CDS1: variants seen among roughly 807,000 people sequenced by gnomAD.
CDS1 encodes the protein CDP-diacylglycerol synthase 1, also known as phosphatidate cytidylyltransferase 1.
In CDS1, 41 loss-of-function variants were observed where a neutral mutation model predicts 62.1. That is an observed-to-expected ratio of 0.66 (90% confidence interval 0.51 to 0.86). CDS1 has a LOEUF of 0.86. CDS1 is among the 40% of genes least tolerant of loss of function. The pLI is 0.00. For synonymous variants in CDS1, 185 were observed against 192.6 expected, an observed-to-expected ratio of 0.96 and a Z score of 0.32; for missense variants, 470 against 550.1, an observed-to-expected ratio of 0.85 and a Z score of 1.46.
intron 1 of CDS1, among the ~76,000 whole-genome samples, chr4:84,593,611 T>C (rs991198967): frequency 6.6e-6 from 1 of 152,094 alleles, no homozygotes; most frequent in Non-Finnish European, 1.5e-5. Flanking sequence ...TTCAAGCGAT[T>C]CTCCTGCCTC....
At chr4:84,641,586 T>G (rs1412979244) in intron 10 of CDS1, among the ~76,000 whole-genome samples, 1 of 152,238 alleles carries the variant, frequency 6.6e-6, no homozygotes, top group Non-Finnish European at 1.5e-5. Flanking sequence ...TTCACCAGTT[T>G]ACCGAGTCCT....
intron 3 of CDS1, among the ~76,000 whole-genome samples, chr4:84,615,644 G>A (rs1002229752): frequency 6.6e-6 from 1 of 152,134 alleles, no homozygotes; most frequent in Non-Finnish European, 1.5e-5. Context: ...TTTCACATGG[G>A]TTGTAGTCGT....
intron 5 of CDS1, among the ~76,000 whole-genome samples, chr4:84,625,339 A>T (rs1723822820): frequency 6.6e-6 from 1 of 152,188 alleles, no homozygotes; most frequent in Non-Finnish European, 1.5e-5. Flanking sequence ...GAGGATATAA[A>T]GGGAGATGAA....
chr4:84,605,409 T>C (rs1723063359), intron 2 of CDS1, among the ~76,000 whole-genome samples: 2 of 152,178 alleles, frequency 1.3e-5, no homozygotes, highest in Admixed American at 1.3e-4. Context: ...ACCACTAGTT[T>C]AGTCGTATCT....
rs1298536725 is a variant in CDS1 at position 84,638,992 on chromosome 4, TGTGA to T, written c.879+3_879+6del. 1 of 1,518,196 alleles carries T rather than the reference TGTGA, an allele frequency of 6.6e-7. No individual in the cohort carries two copies. The highest frequency in any genetic ancestry group is 1.4e-5 in the African/African-American group (1 of 72,426). 94.0% of individuals were successfully genotyped at this position (1,518,196 alleles called of 1,614,324 possible). On this transcript the variant is annotated splice_donor_variant and splice_donor_region_variant and intron_variant, in intron 9 of 12. Coordinates refer to ENST00000295887, the MANE Select transcript of CDS1 (RefSeq NM_001263.4). LOFTEE classifies it high-confidence loss of function. ...TTTCCACAGTTGTGTTTGGATTCAT[TGTGA>T]GTATTACTAAGATTTTTATTTTGTA...
rs530301314 is a variant in CDS1 at position 84,624,730 on chromosome 4, G to C, written c.580+5197G>C. Among the ~76,000 whole-genome samples, 3 of 152,236 alleles carry C rather than the reference G, an allele frequency of 2.0e-5. No homozygotes were observed. In the East Asian group the frequency reaches 5.8e-4, roughly 29 times the overall value. On this transcript the variant is annotated intron_variant, in intron 5 of 12. Coordinates refer to ENST00000295887, the MANE Select transcript of CDS1 (RefSeq NM_001263.4). ...CATCTCAATTGAGTGTGGACCGATA[G>C]TGTAGTTCATTTTCTTTGTTGTTTC...
intron 5 of CDS1, 26 bp from the exon 6 acceptor site, chr4:84,631,793 A>G: frequency 6.3e-7 from 1 of 1,599,724 alleles, no homozygotes; most frequent in Non-Finnish European, 8.6e-7. Context: ...TTGTACAACG[A>G]GCACATGTTT....
chr4:84,632,106 A>G (rs747175958), intron 6 of CDS1, among the ~76,000 whole-genome samples: 1 of 152,184 alleles, frequency 6.6e-6, no homozygotes, highest in Admixed American at 6.5e-5. Context: ...TTTTCTTTGA[A>G]TATTTTCAAA....
chr4:84,611,917 C>T (rs1043951216), intron 3 of CDS1, among the ~76,000 whole-genome samples: 1 of 151,958 alleles, frequency 6.6e-6, no homozygotes, highest in Non-Finnish European at 1.5e-5. Flanking sequence ...GGCCCTGGGA[C>T]TTGGGCATTT....
At chr4:84,643,536 G>T (rs980755085) in intron 11 of CDS1, among the ~76,000 whole-genome samples, 49 of 151,974 alleles carry the variant, frequency 3.2e-4, no homozygotes, top group African/African-American at 1.2e-3. Context: ...TGTCCATTCT[G>T]CTAAGTCAGG....
At chr4:84,595,682 A>C (rs1722727071) in intron 1 of CDS1, among the ~76,000 whole-genome samples, 1 of 152,246 alleles carries the variant, frequency 6.6e-6, no homozygotes, top group South Asian at 2.1e-4. Flanking sequence ...TAGCCCTGAA[A>C]AAGTGATGTA....
intron 1 of CDS1, among the ~76,000 whole-genome samples, chr4:84,591,933 C>A (rs1311425204): frequency 6.6e-6 from 1 of 152,140 alleles, no homozygotes; most frequent in Non-Finnish European, 1.5e-5. Flanking sequence ...TAGCTGAAAG[C>A]CTGTCATTGG....
At chr4:84,635,679 C>CTTCCTTCCTTCCTTCCTTCA (rs1724179705) in intron 8 of CDS1, among the ~76,000 whole-genome samples, 1 of 132,388 alleles carries the variant, frequency 7.6e-6, no homozygotes, top group African/African-American at 3.0e-5. Flanking sequence ...TCCTTCCTTC[C>CTTCCTTCCTTCCTTCCTTCA]TTCCTTCCTT....
At position 84,651,320 on chromosome 4, in the gene CDS1, CTG is replaced by C. The variant is rs1489597526; in HGVS notation, c.*2635_*2636del. ...CTGAAACTGAGACAGGAAAATAAAA[CTG>C]AAACAAATCATATTTTGACTTTGTT... On this transcript the variant is annotated 3_prime_UTR_variant, in exon 13 of 13. Coordinates refer to ENST00000295887, the MANE Select transcript of CDS1 (RefSeq NM_001263.4). 5.9e-5 allele frequency: 9 copies of C among 151,672 alleles called. No homozygotes were observed. The highest frequency in any genetic ancestry group is 4.6e-4 in the Admixed American group (7 of 15,262). 9.4% of individuals were successfully genotyped at this position (151,672 alleles called of 1,614,324 possible).
At chr4:84,629,135 A>G (rs1723942725) in intron 5 of CDS1, among the ~76,000 whole-genome samples, 1 of 152,224 alleles carries the variant, frequency 6.6e-6, no homozygotes. Flanking sequence ...ATCCAATTGT[A>G]CAAAAAGTGA....
chr4:84,584,199 T>C (rs1191963514), intron 1 of CDS1, among the ~76,000 whole-genome samples: 3 of 152,206 alleles, frequency 2.0e-5, no homozygotes, highest in Non-Finnish European at 4.4e-5. Context: ...ATTACTCTTC[T>C]TTCACATTTA....
At chr4:84,593,135 A>G (rs920765652) in intron 1 of CDS1, among the ~76,000 whole-genome samples, 10 of 152,288 alleles carry the variant, frequency 6.6e-5, no homozygotes, top group African/African-American at 2.2e-4. Flanking sequence ...TGAGGCTTCG[A>G]ACAATTCTAT....
intron 8 of CDS1, among the ~76,000 whole-genome samples, chr4:84,638,569 C>T (rs961778590): frequency 2.0e-5 from 3 of 152,036 alleles, no homozygotes; most frequent in Non-Finnish European, 2.9e-5. Flanking sequence ...AGAACTTACA[C>T]CAACTATTAT....
At chr4:84,620,254 ACT>A (rs1235911067) in intron 5 of CDS1, among the ~76,000 whole-genome samples, 18 of 118,304 alleles carry the variant, frequency 1.5e-4, no homozygotes, top group Non-Finnish European at 1.6e-4. Context: ...ATGGAGTCTC[ACT>A]CTGTCGCCCA....
Sources: allele counts gnomAD v4.1 joint callset (sites outside exome capture counted in the v4.1 genomes callset), GRCh38; gene constraint gnomAD v4.1.1; transcripts MANE v1.5; gene names NCBI Gene and HGNC (gene_info 2026-07-23, HGNC 2026-07-21).